The following DOCK7 variants were observed in gnomAD, a reference collection of about 807,000 sequenced individuals.
The protein encoded by DOCK7 is dedicator of cytokinesis 7.
DOCK7 carries 138 observed loss-of-function variants against 271.0 expected under a neutral mutation model. That is an observed-to-expected ratio of 0.51 (90% confidence interval 0.44 to 0.59). The LOEUF is 0.59. Ranked by LOEUF, DOCK7 falls within the 20% of genes least tolerant of loss-of-function variation. DOCK7 has a pLI of 0.00. For synonymous variants in DOCK7, 823 were observed against 876.1 expected, an observed-to-expected ratio of 0.94 and a Z score of 1.07; for missense variants, 2,066 against 2,592.4, an observed-to-expected ratio of 0.80 and a Z score of 4.41.
intron 10 of DOCK7, among the ~76,000 whole-genome samples, chr1:62,633,150 AT>A (rs1457713027): frequency 1.3e-5 from 2 of 152,176 alleles, no homozygotes; most frequent in African/African-American, 4.8e-5. Context: ...TATTTTATAA[AT>A]AAAGAAAACC....
intron 14 of DOCK7, among the ~76,000 whole-genome samples, chr1:62,610,754 T>C (rs1208241134): frequency 6.6e-6 from 1 of 152,128 alleles, no homozygotes; most frequent in Non-Finnish European, 1.5e-5. Context: ...AGAATGATGG[T>C]TTCCAGCTTC....
chr1:62,539,949 ACT>A, intron 25 of DOCK7, 57 bp from the exon 26 acceptor site: 3 of 1,184,150 alleles, frequency 2.5e-6, no homozygotes, highest in Non-Finnish European at 2.3e-6. Context: ...AATTACAACA[ACT>A]CTAAACACTT....
intron 14 of DOCK7, chr1:62,602,520 T>C (rs1006481031): frequency 5.6e-6 from 4 of 716,026 alleles, no homozygotes; most frequent in Non-Finnish European, 9.9e-6. Context: ...TATCAAACAA[T>C]TACACATTTG....
intron 22 of DOCK7, among the ~76,000 whole-genome samples, chr1:62,550,273 A>G (rs980339833): frequency 6.6e-6 from 1 of 152,144 alleles, no homozygotes; most frequent in Admixed American, 6.5e-5. Context: ...AAATTAATTT[A>G]GAAAAATAAA....
chr1:62,455,404 T>C lies in DOCK7; in HGVS notation c.*10A>G. 4 of 1,613,302 alleles carry C rather than the reference T, an allele frequency of 2.5e-6. No homozygotes were observed. Among genetic ancestry groups the C allele is most frequent in the Non-Finnish European group, 3.4e-6 (4 of 1,179,584 alleles). On this transcript the variant is annotated 3_prime_UTR_variant, in exon 50 of 50. Coordinates refer to ENST00000635253, the MANE Select transcript of DOCK7 (RefSeq NM_001367561.1). ...GCTCTTTGCAGATGAATAAAACAAG[T>C]GCATTCAGTTTAGAGATCCATTTTG...
chr1:62,595,808 A>T (rs2149520761), intron 14 of DOCK7, among the ~76,000 whole-genome samples: 1 of 152,224 alleles, frequency 6.6e-6, no homozygotes, highest in East Asian at 1.9e-4. Flanking sequence ...ATGCATCTAT[A>T]GTCTCAGCTA....
At chr1:62,639,371 A>G (rs540910094) in intron 7 of DOCK7, among the ~76,000 whole-genome samples, 1 of 151,864 alleles carries the variant, frequency 6.6e-6, no homozygotes, top group Non-Finnish European at 1.5e-5. Flanking sequence ...CTAATTTTTT[A>G]AAAGAAAGAA....
At chr1:62,534,168 T>A (rs1645266576) in intron 29 of DOCK7, among the ~76,000 whole-genome samples, 1 of 152,120 alleles carries the variant, frequency 6.6e-6, no homozygotes, top group African/African-American at 2.4e-5. Flanking sequence ...GTGGCTAATG[T>A]TTGATATTTT....
Position 62,475,696 on chromosome 1 carries a change from A to G in DOCK7, c.5961+11T>C. Reference sequence around the variant, plus strand: ...GCTTCACTAATGCTGTTTGCCCATTAATGGACTTACCTCTTCTTTATGAGT... The same window carrying G: ...GCTTCACTAATGCTGTTTGCCCATTGATGGACTTACCTCTTCTTTATGAGT... On this transcript the variant is annotated intron_variant, in intron 46 of 49. Transcript: ENST00000635253. The G allele has an allele frequency of 1.2e-6, 2 of 1,611,436 alleles. No homozygotes were observed. The highest frequency in any genetic ancestry group is 1.7e-6 in the Non-Finnish European group (2 of 1,177,962).
rs1318129894 is a variant in DOCK7, at chr1:62,620,194, G to A, written c.1426-201C>T. On this transcript the variant is annotated intron_variant, in intron 12 of 49. Transcript: ENST00000635253. ...AAAAATTAGCCAGGCATGGTGGCACGTGTCTGTAGTCCCAGCTACATGGGA... is the reference window on the plus strand; with the variant it reads ...AAAAATTAGCCAGGCATGGTGGCACATGTCTGTAGTCCCAGCTACATGGGA... Among the ~76,000 whole-genome samples the A allele has an allele frequency of 4.6e-5, 7 of 151,860 alleles. No individual in the cohort carries two copies. The East Asian group carries it at 5.8e-4, about 13-fold the overall frequency.
At chr1:62,554,134 A>G (rs1646055080) in intron 21 of DOCK7, among the ~76,000 whole-genome samples, 1 of 152,226 alleles carries the variant, frequency 6.6e-6, no homozygotes, top group South Asian at 2.1e-4. Context: ...TCTTTATGAT[A>G]TACATACAAA....
intron 1 of DOCK7, among the ~76,000 whole-genome samples, chr1:62,680,774 A>G (rs1232067990): frequency 2.0e-5 from 3 of 151,824 alleles, no homozygotes; most frequent in African/African-American, 7.3e-5. Flanking sequence ...GCCAAAAGAC[A>G]CATGAAAAAA....
intron 29 of DOCK7, among the ~76,000 whole-genome samples, chr1:62,533,064 T>G (rs1037245492): frequency 1.3e-5 from 2 of 152,206 alleles, no homozygotes; most frequent in Non-Finnish European, 2.9e-5. Context: ...ATTACTGTGC[T>G]AAAAACCTAT....
chr1:62,571,081 T>C (rs890363267), intron 18 of DOCK7, among the ~76,000 whole-genome samples: 4 of 152,264 alleles, frequency 2.6e-5, no homozygotes, highest in African/African-American at 4.8e-5. Flanking sequence ...AAAGAGCTTC[T>C]GCACTGCAAA....
At chr1:62,678,945 T>G (rs902598704) in intron 1 of DOCK7, among the ~76,000 whole-genome samples, 1 of 152,126 alleles carries the variant, frequency 6.6e-6, no homozygotes, top group Non-Finnish European at 1.5e-5. Flanking sequence ...GATACCCCAT[T>G]TACCCTGATG....
intron 10 of DOCK7, among the ~76,000 whole-genome samples, chr1:62,631,707 A>G (rs990037859): frequency 2.0e-5 from 3 of 152,178 alleles, no homozygotes; most frequent in Non-Finnish European, 4.4e-5. Context: ...TGTTTTAGGA[A>G]GTATAACCAT....
chr1:62,484,637 C>A (rs957718327), intron 43 of DOCK7: 1 of 152,094 alleles, frequency 6.6e-6, no homozygotes, highest in Non-Finnish European at 1.5e-5. Flanking sequence ...TACATATGCA[C>A]AACACCATAC....
At chr1:62,475,601 G>C in intron 46 of DOCK7, 106 bp downstream of exon 46, 1 of 1,165,384 alleles carries the variant, frequency 8.6e-7, no homozygotes, top group Non-Finnish European at 1.2e-6. Flanking sequence ...GTTCTAATAT[G>C]TTATGGTATA....
chr1:62,641,473 C>T (rs1656021097), intron 7 of DOCK7: 2 of 431,610 alleles, frequency 4.6e-6, no homozygotes, highest in Non-Finnish European at 9.3e-6. Context: ...GCATGCTTCA[C>T]ATGGTCCACC....
Sources: allele counts gnomAD v4.1 joint callset (sites outside exome capture counted in the v4.1 genomes callset), GRCh38; gene constraint gnomAD v4.1.1; transcripts MANE v1.5; gene names NCBI Gene and HGNC (gene_info 2026-07-23, HGNC 2026-07-21).